USH2A: variants seen among roughly 807,000 people sequenced by gnomAD.
USH2A encodes usherin.
A neutral mutation model predicts 538.9 loss-of-function variants in USH2A; 443 were observed. The observed-to-expected ratio is 0.82, with a 90% CI of 0.76 to 0.89. The LOEUF (loss-of-function observed/expected upper bound fraction) is 0.89, where lower values mean the gene tolerates loss of function less well. USH2A is among the 40% of genes least tolerant of loss of function. The pLI is 0.00. For missense variants in USH2A, 6,633 were observed against 6,324.8 expected (o/e 1.05, Z -1.65); for synonymous variants, 2,413 against 2,273.5 (o/e 1.06, Z -1.75).
intron 37 of USH2A, among the ~76,000 whole-genome samples, chr1:215,938,951 C>G (rs575416212): frequency 6.6e-6 from 1 of 152,290 alleles, no homozygotes; most frequent in South Asian, 2.1e-4. Context: ...GCTGGGATCA[C>G]TAGCTTTGAC....
In USH2A at chr1:215,675,237, T is replaced by C. The variant is rs1657978770; in HGVS notation, c.12674A>G (p.Tyr4225Cys). ...CCATGGTTGCAAACCTGTGTCATTA[T>C]ACATAAATGTATTCCTTTCAGTGTT... ...EYNTERNTFMYNDTGLQPWTQ... is the reference protein window; with the variant it reads ...EYNTERNTFMCNDTGLQPWTQ... The change falls in exon 63 of 72, where the codon TAT becomes TGT. Residue 4225 changes from tyrosine to cysteine, a missense_variant. Coordinates refer to ENST00000307340, the MANE Select transcript of USH2A (RefSeq NM_206933.4). 1 of 1,614,210 alleles carries C rather than the reference T, an allele frequency of 6.2e-7. No homozygotes were observed. The highest frequency in any genetic ancestry group is 8.5e-7 in the Non-Finnish European group (1 of 1,180,032).
chr1:215,706,591 C>G (rs1659191211), intron 61 of USH2A, among the ~76,000 whole-genome samples: 1 of 152,076 alleles, frequency 6.6e-6, no homozygotes, highest in South Asian at 2.1e-4. Context: ...TATCACCAAT[C>G]AGAAACCAGG....
At chr1:215,970,856 G>GT in intron 35 of USH2A, 80 bp from the exon 36 acceptor site, 1 of 1,359,540 alleles carries the variant, frequency 7.4e-7, no homozygotes, top group South Asian at 1.2e-5. Context: ...CACTCTTGAT[G>GT]TGATTTCTAG....
chr1:216,364,709 AT>A (rs2038560125), intron 4 of USH2A, among the ~76,000 whole-genome samples: 1 of 152,130 alleles, frequency 6.6e-6, no homozygotes. Flanking sequence ...CATGGAATAG[AT>A]TTGCCCTCAG....
At chr1:216,071,360 AC>A (rs1175620534) in intron 29 of USH2A, among the ~76,000 whole-genome samples, 1 of 152,184 alleles carries the variant, frequency 6.6e-6, no homozygotes, top group Non-Finnish European at 1.5e-5. Context: ...TAGAAAACAC[AC>A]AGGCCACAAG....
In USH2A at chr1:215,782,042, C is replaced by G. The variant is rs369507534; in HGVS notation, c.10740G>C (p.Lys3580Asn). 1.2e-6 allele frequency: 2 copies of G among 1,613,934 alleles called. No individual in the cohort carries two copies. Among genetic ancestry groups the G allele is most frequent in the Non-Finnish European group, 1.7e-6 (2 of 1,179,832 alleles). ...CAGAGTTTAGGCAAACTCCTCTTAC[C>G]TTGCTACTGGTGGCACAGCCAGCAA... ...CTVAGCATSSKVVAATTQGVP... is the reference protein window; with the variant it reads ...CTVAGCATSSNVVAATTQGVP... The change falls in exon 54 of 72, where the codon AAG (lysine) becomes AAC (asparagine). Residue 3580 changes from lysine (K) to asparagine (N), a missense_variant and splice_region_variant. Transcript: ENST00000307340.
rs199866522 is a variant in USH2A, at chr1:215,770,286, TC to T, written c.10940-3499del. Among the ~76,000 whole-genome samples, 1,116 of 152,220 alleles carry T rather than the reference TC, an allele frequency of 7.3e-3. 12 individuals carry two copies. The highest frequency in any genetic ancestry group is 0.026 in the African/African-American group (1,071 of 41,530). ...TATTTAAGTTACTCAATGGCTGCCT[TC>T]CCTCTGAAGATTAAGCAGCATTTAG... On this transcript the variant is annotated intron_variant, in intron 55 of 71. Transcript: ENST00000307340.
chr1:215,725,683 C>T (rs1659796584), intron 61 of USH2A, among the ~76,000 whole-genome samples: 1 of 152,074 alleles, frequency 6.6e-6, no homozygotes, highest in Non-Finnish European at 1.5e-5. Context: ...ATTATTCTGG[C>T]TAATCTATTC....
intron 44 of USH2A, among the ~76,000 whole-genome samples, chr1:215,848,821 G>T (rs1289896438): frequency 2.6e-5 from 4 of 152,192 alleles, no homozygotes; most frequent in Admixed American, 2.0e-4. Flanking sequence ...ACATGTTCCT[G>T]GTTATCACAT....
At chr1:215,640,844 C>CAAAAAAAAAAAAAAAAAAAAAAAA in intron 67 of USH2A, 110 bp from the exon 68 acceptor site, 1 of 496,052 alleles carries the variant, frequency 2.0e-6, no homozygotes, top group Non-Finnish European at 3.1e-6. Flanking sequence ...CCAATCCAAA[C>CAAAAAAAAAAAAAAAAAAAAAAAA]AAAAAAAAAA....
intron 61 of USH2A, among the ~76,000 whole-genome samples, chr1:215,725,376 C>T (rs1297704326): frequency 6.6e-6 from 1 of 152,146 alleles, no homozygotes. Context: ...AAGTGAAACA[C>T]AAAAACACTA....
At chr1:216,214,290 T>A (rs2035302021) in intron 15 of USH2A, among the ~76,000 whole-genome samples, 1 of 151,964 alleles carries the variant, frequency 6.6e-6, no homozygotes, top group Non-Finnish European at 1.5e-5. Context: ...CTGAAAACAA[T>A]CTAAATGTCA....
chr1:215,711,369 C>G (rs1558064722), intron 61 of USH2A, among the ~76,000 whole-genome samples: 1 of 152,120 alleles, frequency 6.6e-6, no homozygotes, highest in Non-Finnish European at 1.5e-5. Context: ...TCAAAACACC[C>G]TAATGATACT....
At chr1:216,105,506 T>C (rs1051855573) in intron 21 of USH2A, among the ~76,000 whole-genome samples, 2 of 152,128 alleles carry the variant, frequency 1.3e-5, no homozygotes, top group African/African-American at 2.4e-5. Flanking sequence ...ACAAATACTA[T>C]GAAGTCTTAA....
In USH2A at chr1:216,000,280, C is replaced by A; in HGVS notation, c.6485+123G>T. The stretch of plus-strand genomic sequence containing the variant: ...ATCAAAGGTTCCCAGATCCACTGAA[C>A]TAATCACTTCTATGCATTTAATCAC... On this transcript the variant is annotated intron_variant, in intron 33 of 71. Transcript: ENST00000307340. 2.2e-6 allele frequency: 3 copies of A among 1,337,460 alleles called. No individual in the cohort carries two copies. The South Asian group carries it at 3.7e-5, about 17-fold the overall frequency. 82.8% of individuals were successfully genotyped at this position (1,337,460 alleles called of 1,614,324 possible).
intron 13 of USH2A, among the ~76,000 whole-genome samples, chr1:216,232,960 C>A (rs2035730798): frequency 6.6e-6 from 1 of 152,160 alleles, no homozygotes. Flanking sequence ...TAATGGATAG[C>A]AAAACCCAGG....
At position 216,379,243 on chromosome 1, in the gene USH2A, A is replaced by T. The variant is rs2038889561; in HGVS notation, c.652-14158T>A. ...CTGTAAGCTCTATGCGTGCAGCACC[A>T]ACTCAGTACTCTCCTCTGCTACATT... On this transcript the variant is annotated intron_variant, in intron 3 of 71. Transcript: ENST00000307340. 2.0e-5 allele frequency among the ~76,000 whole-genome samples: 3 copies of T among 152,154 alleles called. No homozygotes were observed. The South Asian group carries it at 6.2e-4, about 32-fold the overall frequency.
chr1:215,867,238 C>CT lies in USH2A; in HGVS notation c.8682-69dup, dbSNP rs978186512. ...TTACAGAAAATCTAACAAATAATTT[C>CT]TTTTTTTCTTCACAAAATACAGGAT... is the stretch of plus-strand genomic sequence containing the variant. On this transcript the variant is annotated intron_variant, in intron 43 of 71. Transcript: ENST00000307340. 1.9e-5 allele frequency: 29 copies of CT among 1,529,078 alleles called. No homozygotes were observed. The East Asian group carries it at 4.6e-4, about 24-fold the overall frequency. 94.7% of individuals were successfully genotyped at this position (1,529,078 alleles called of 1,614,324 possible). A position where few individuals can be genotyped will look rare whatever the true frequency, so the allele number is the denominator to read the frequency against.
At chr1:215,732,518 C>T (rs1660026354) in intron 60 of USH2A, among the ~76,000 whole-genome samples, 1 of 121,824 alleles carries the variant, frequency 8.2e-6, no homozygotes, top group Non-Finnish European at 1.8e-5. Flanking sequence ...CCTCCCAATC[C>T]TCTTTCTTAT....
Sources: allele counts gnomAD v4.1 joint callset (sites outside exome capture counted in the v4.1 genomes callset), GRCh38; gene constraint gnomAD v4.1.1; transcripts MANE v1.5; gene names NCBI Gene and HGNC (gene_info 2026-07-23, HGNC 2026-07-21).